The following KCNH5 variants were observed in gnomAD, a reference collection of about 807,000 sequenced individuals.
The protein encoded by KCNH5 is potassium voltage-gated channel subfamily H member 5, also known as voltage-gated delayed rectifier potassium channel KCNH5.
KCNH5 carries 46 observed loss-of-function variants against 96.1 expected under a neutral mutation model. The ratio of observed to expected loss-of-function variants is 0.48; its 90% CI spans 0.38 to 0.61. The LOEUF (loss-of-function observed/expected upper bound fraction) is 0.61, where lower values mean the gene tolerates loss of function less well. KCNH5 is among the 20% of genes least tolerant of loss of function. The pLI is 0.00. For missense variants in KCNH5, 907 were observed against 1,225.8 expected (o/e 0.74, Z 3.88); for synonymous variants, 439 against 449.8 (o/e 0.98, Z 0.30).
At chr14:62,977,457 G>T (rs566608837) in intron 6 of KCNH5, among the ~76,000 whole-genome samples, 1 of 152,164 alleles carries the variant, frequency 6.6e-6, no homozygotes, top group East Asian at 1.9e-4. Flanking sequence ...TGAAAATGGT[G>T]CATTTAAATA....
intron 6 of KCNH5, among the ~76,000 whole-genome samples, chr14:62,966,867 C>T (rs952472689): frequency 5.3e-5 from 8 of 152,144 alleles, no homozygotes; most frequent in Non-Finnish European, 1.2e-4. Context: ...TTTTAAAAAC[C>T]TACCTTATAT....
At chr14:62,904,020 A>C (rs1888980898) in intron 7 of KCNH5, among the ~76,000 whole-genome samples, 1 of 152,144 alleles carries the variant, frequency 6.6e-6, no homozygotes, top group African/African-American at 2.4e-5. Flanking sequence ...TGGTTCAATT[A>C]AGAGTGTGAT....
chr14:62,791,259 T>C (rs76867353), intron 9 of KCNH5, among the ~76,000 whole-genome samples: 1,778 of 151,770 alleles, frequency 0.012, 37 homozygotes, highest in African/African-American at 0.041. Flanking sequence ...ATAGTAGCAG[T>C]ATGTAAATCT....
intron 1 of KCNH5, among the ~76,000 whole-genome samples, chr14:63,039,209 A>C (rs758344272): frequency 6.6e-6 from 1 of 152,114 alleles, no homozygotes; most frequent in Non-Finnish European, 1.5e-5. Flanking sequence ...GAATTGCCTT[A>C]AACCAAAATT....
intron 8 of KCNH5, among the ~76,000 whole-genome samples, chr14:62,805,286 T>C (rs528384732): frequency 6.6e-6 from 1 of 152,326 alleles, no homozygotes; most frequent in African/African-American, 2.4e-5. Flanking sequence ...TCTCTGTTTA[T>C]TGGCATGTCA....
chr14:62,814,379 C>G (rs927055031), intron 8 of KCNH5, among the ~76,000 whole-genome samples: 1 of 152,142 alleles, frequency 6.6e-6, no homozygotes, highest in Non-Finnish European at 1.5e-5. Flanking sequence ...CGTGTCTTTA[C>G]TGTCTTACAG....
intron 7 of KCNH5, among the ~76,000 whole-genome samples, chr14:62,935,097 G>T (rs1889654249): frequency 6.6e-6 from 1 of 152,138 alleles, no homozygotes. Context: ...GAGGGAAGAG[G>T]TCCTAAACTA....
intron 9 of KCNH5, among the ~76,000 whole-genome samples, chr14:62,791,594 A>G (rs977784067): frequency 2.0e-5 from 3 of 151,716 alleles, no homozygotes. Context: ...ATTCCATGCA[A>G]ACAGTAGCCA....
chr14:62,962,903 A>AT (rs1374605391), intron 6 of KCNH5, among the ~76,000 whole-genome samples: 2 of 152,176 alleles, frequency 1.3e-5, no homozygotes, highest in East Asian at 3.9e-4. Flanking sequence ...GATCCCTAAT[A>AT]TTGACATTAT....
chr14:62,903,266 A>G (rs969583037), intron 7 of KCNH5, among the ~76,000 whole-genome samples: 3 of 152,014 alleles, frequency 2.0e-5, no homozygotes, highest in Non-Finnish European at 4.4e-5. Flanking sequence ...ACCACTACCC[A>G]CACACACACC....
intron 6 of KCNH5, among the ~76,000 whole-genome samples, chr14:62,968,070 T>C (rs960629449): frequency 6.6e-6 from 1 of 152,228 alleles, no homozygotes. Flanking sequence ...AGAATGTTCC[T>C]GCAACATCAC....
At chr14:62,711,504 G>A (rs983519111) in intron 10 of KCNH5, among the ~76,000 whole-genome samples, 2 of 152,100 alleles carry the variant, frequency 1.3e-5, no homozygotes, top group African/African-American at 4.8e-5. Flanking sequence ...TTTACGCCCG[G>A]GAGATAGGAA....
In KCNH5 at chr14:63,043,851, A is replaced by C. The variant is rs142849347; in HGVS notation, c.73+1263T>G. Among the ~76,000 whole-genome samples the C allele has an allele frequency of 4.4e-4, 67 of 152,334 alleles. 1 individual carries two copies. The East Asian group carries it at 0.013, about 28-fold the overall frequency. ...TAATCTACCATTTAGGGAAAGCATTATTTATTTAATTATTTGATATTTCAG... is the reference window on the plus strand; with the variant it reads ...TAATCTACCATTTAGGGAAAGCATTCTTTATTTAATTATTTGATATTTCAG... On this transcript the variant is annotated intron_variant, in intron 1 of 10. Coordinates refer to ENST00000322893, the MANE Select transcript of KCNH5 (RefSeq NM_139318.5).
At chr14:62,817,751 A>AAT (rs1320991761) in intron 8 of KCNH5, among the ~76,000 whole-genome samples, 2 of 146,740 alleles carry the variant, frequency 1.4e-5, no homozygotes, top group African/African-American at 2.5e-5. Flanking sequence ...ATATTCTAGG[A>AAT]ATATATTATA....
intron 10 of KCNH5, among the ~76,000 whole-genome samples, chr14:62,710,757 G>A (rs1884549706): frequency 6.6e-6 from 1 of 152,140 alleles, no homozygotes; most frequent in African/African-American, 2.4e-5. Flanking sequence ...TGTGACAAGT[G>A]GTAGGCACAC....
At chr14:62,752,720 T>G (rs918144784) in intron 10 of KCNH5, among the ~76,000 whole-genome samples, 2 of 152,094 alleles carry the variant, frequency 1.3e-5, no homozygotes, top group Non-Finnish European at 2.9e-5. Flanking sequence ...TGGGGGCAGT[T>G]TCCCCCATGC....
chr14:62,714,106 G>A (rs1485208198), intron 10 of KCNH5, among the ~76,000 whole-genome samples: 1 of 144,966 alleles, frequency 6.9e-6, no homozygotes, highest in East Asian at 2.1e-4. Flanking sequence ...AACACAGGGA[G>A]ACCCTATCTC....
rs1307183671 is a variant in KCNH5, at chr14:62,778,050, T to C, written c.2019+1678A>G. Among the ~76,000 whole-genome samples the C allele has an allele frequency of 2.0e-5, 3 of 152,208 alleles. No homozygotes were observed. The East Asian group carries it at 5.8e-4, about 29-fold the overall frequency. On this transcript the variant is annotated intron_variant, in intron 10 of 10. Transcript: ENST00000322893. ...AACTGCCCATTTTCTTTCACAGGAA[T>C]ATTATAAACATCAAGTCCTGAGGAA...
chr14:62,904,679 C>T (rs1428902448), intron 7 of KCNH5, among the ~76,000 whole-genome samples: 2 of 152,142 alleles, frequency 1.3e-5, no homozygotes, highest in Non-Finnish European at 2.9e-5. Flanking sequence ...TTATATTTTT[C>T]ACAAATGCTA....
Sources: gnomAD v4.1 joint callset for allele counts (sites outside exome capture counted in the v4.1 genomes callset) on GRCh38, gnomAD v4.1.1 for gene constraint, MANE v1.5 for transcripts, NCBI Gene and HGNC (gene_info 2026-07-23, HGNC 2026-07-21) for gene names.